CTPS2: variants seen among roughly 807,000 people sequenced by gnomAD.
The protein encoded by CTPS2 is CTP synthase 2.
In CTPS2, 19 loss-of-function variants were observed where a neutral mutation model predicts 46.8. The ratio of observed to expected loss-of-function variants is 0.41; its 90% confidence interval spans 0.28 to 0.60. The LOEUF (loss-of-function observed/expected upper bound fraction) is 0.60, where lower values mean the gene tolerates loss of function less well. Ranked by LOEUF, CTPS2 falls within the 20% of genes least tolerant of loss-of-function variation. CTPS2 has a pLI of 0.35. For synonymous variants in CTPS2, 151 were observed against 165.2 expected, an observed-to-expected ratio of 0.91 and a Z score of 0.66; for missense variants, 286 against 447.6, an observed-to-expected ratio of 0.64 and a Z score of 3.26.
intron 15 of CTPS2, among the ~76,000 whole-genome samples, chrX:16,618,596 C>T (rs1930654625): frequency 9.0e-6 from 1 of 111,672 alleles, no homozygotes; most frequent in South Asian, 3.7e-4. Context: ...ACCCCACATC[C>T]TCTCCACTAC....
At chrX:16,704,310 G>T (rs963755170) in intron 1 of CTPS2, among the ~76,000 whole-genome samples, 6 of 111,229 alleles carry the variant, frequency 5.4e-5, no homozygotes, top group African/African-American at 2.0e-4. Flanking sequence ...CAATCTCTAG[G>T]AATATAATTT....
chrX:16,616,024 A>C (rs1930508867), intron 16 of CTPS2, among the ~76,000 whole-genome samples: 1 of 112,122 alleles, frequency 8.9e-6, no homozygotes, highest in African/African-American at 3.2e-5. Flanking sequence ...TTAACCATTA[A>C]AAAATGTAAA....
chrX:16,633,347 C>G (rs1931584569), intron 14 of CTPS2, among the ~76,000 whole-genome samples: 1 of 111,308 alleles, frequency 9.0e-6, no homozygotes, highest in Non-Finnish European at 1.9e-5. Context: ...ATGGCCCAGC[C>G]CACAGTCATG....
chrX:16,704,200 A>C (rs111734106), intron 1 of CTPS2, among the ~76,000 whole-genome samples: 3 of 111,694 alleles, frequency 2.7e-5, no homozygotes, highest in Non-Finnish European at 3.8e-5. Flanking sequence ...GGCCTCCCCA[A>C]GTGCTGGGAT....
intron 4 of CTPS2, 67 bp from the exon 5 acceptor site, chrX:16,693,554 TAA>T (rs1923872105): frequency 1.4e-6 from 1 of 690,383 alleles, no homozygotes; most frequent in East Asian, 3.2e-5. Context: ...CACAAGCTAA[TAA>T]AAAGAGTTCT....
chrX:16,701,269 G>A (rs1007693784), intron 2 of CTPS2, among the ~76,000 whole-genome samples: 19 of 111,873 alleles, frequency 1.7e-4, no homozygotes, highest in Non-Finnish European at 9.4e-5. Flanking sequence ...CTGGTGCAGT[G>A]GCTCATGCCT....
At chrX:16,621,450 A>ATAT (rs1930833167) in intron 14 of CTPS2, among the ~76,000 whole-genome samples, 1 of 102,374 alleles carries the variant, frequency 9.8e-6, no homozygotes, top group Admixed American at 1.1e-4. Flanking sequence ...TTAAAGTATA[A>ATAT]TAATAATAAT....
intron 11 of CTPS2, among the ~76,000 whole-genome samples, chrX:16,668,294 G>A (rs1429489972): frequency 9.4e-6 from 1 of 106,913 alleles, no homozygotes; most frequent in Non-Finnish European, 1.9e-5. Flanking sequence ...GGAAGGAGGA[G>A]CTGGGTGCGG....
At chrX:16,659,641 T>C (rs1183911456) in intron 13 of CTPS2, among the ~76,000 whole-genome samples, 1 of 109,959 alleles carries the variant, frequency 9.1e-6, no homozygotes, top group East Asian at 2.9e-4. Flanking sequence ...AAAAAAATTG[T>C]ATATATTCAA....
chrX:16,624,471 G>T (rs1362503241), intron 14 of CTPS2, among the ~76,000 whole-genome samples: 1 of 111,901 alleles, frequency 8.9e-6, no homozygotes, highest in East Asian at 2.8e-4. Flanking sequence ...TTACTCTCAG[G>T]AGAGTGTCTG....
chrX:16,648,118 A>G (rs1223030355), intron 13 of CTPS2, among the ~76,000 whole-genome samples: 1 of 111,300 alleles, frequency 9.0e-6, no homozygotes, highest in Non-Finnish European at 1.9e-5. Context: ...TAAACAAAAA[A>G]ACCAGATGCA....
At chrX:16,596,616 C>T (rs1471279939) in intron 17 of CTPS2, among the ~76,000 whole-genome samples, 2 of 110,971 alleles carry the variant, frequency 1.8e-5, no homozygotes. Flanking sequence ...GGGTTGGTTC[C>T]AAGTCTTTGC....
intron 13 of CTPS2, chrX:16,651,242 G>A: frequency 1.3e-6 from 1 of 791,656 alleles, no homozygotes; most frequent in South Asian, 2.6e-5. Context: ...ACCGTCGCTT[G>A]AGGGAGGACA....
rs889492902 is a variant in CTPS2 at position 16,588,185 on chromosome X, C to G, written c.*1632G>C. ...CAAAAGACTTCCCAGACAAAGCACG[C>G]GAAGGGTAGAGGATATAGGTTAGCA... On this transcript the variant is annotated 3_prime_UTR_variant, in exon 19 of 19. Transcript: ENST00000359276. 1.8e-5 allele frequency: 2 copies of G among 111,563 alleles called. No individual in the cohort carries two copies. The highest frequency in any genetic ancestry group is 3.3e-5 in the African/African-American group (1 of 30,605). 9.2% of individuals were successfully genotyped at this position (111,563 alleles called of 1,213,427 possible).
chrX:16,600,224 C>T (rs1032348942), intron 17 of CTPS2, among the ~76,000 whole-genome samples: 2 of 112,069 alleles, frequency 1.8e-5, no homozygotes, highest in East Asian at 5.6e-4. Context: ...CCCACCTTTA[C>T]GCTACCCCAA....
chrX:16,648,646 A>C (rs1216933224), intron 13 of CTPS2, among the ~76,000 whole-genome samples: 6 of 112,520 alleles, frequency 5.3e-5, no homozygotes, highest in Non-Finnish European at 1.1e-4. Flanking sequence ...TTATAACTAA[A>C]AATAAAATGC....
chrX:16,698,838 A>G, intron 3 of CTPS2, 85 bp downstream of exon 3: 1 of 930,062 alleles, frequency 1.1e-6, no homozygotes, highest in Non-Finnish European at 1.5e-6. Flanking sequence ...GGCCTGAGCC[A>G]CCGTGCCCGG....
chrX:16,710,076 T>C (rs1345958235), intron 1 of CTPS2, among the ~76,000 whole-genome samples: 2 of 109,446 alleles, frequency 1.8e-5, no homozygotes, highest in East Asian at 5.7e-4. Flanking sequence ...CTAGAACCCT[T>C]TTCCCCCCAA....
intron 11 of CTPS2, 33 bp downstream of exon 11, chrX:16,670,547 C>T (rs778262074): frequency 1.8e-6 from 2 of 1,083,470 alleles, no homozygotes; most frequent in South Asian, 4.0e-5. Context: ...ATCTAATAAA[C>T]TCATAGTTAG....
Sources: allele counts gnomAD v4.1 joint callset (sites outside exome capture counted in the v4.1 genomes callset), GRCh38; gene constraint gnomAD v4.1.1; transcripts MANE v1.5; gene names NCBI Gene and HGNC (gene_info 2026-07-23, HGNC 2026-07-21).